Variants in AFAP1 observed in about 807,000 individuals in gnomAD.
AFAP1 encodes the protein actin filament associated protein 1, also known as actin filament-associated protein 1.
AFAP1 carries 75 observed loss-of-function variants against 93.9 expected under a neutral mutation model. That is an observed-to-expected ratio of 0.80 (90% CI 0.66 to 0.97). The LOEUF (loss-of-function observed/expected upper bound fraction) is 0.97, where lower values mean the gene tolerates loss of function less well. Among genes scored for constraint, AFAP1 ranks in the 50% least tolerant of loss-of-function variants. AFAP1 has a pLI of 0.00. For missense variants in AFAP1, 1,201 were observed against 1,050.8 expected (o/e 1.14, Z -1.98); for synonymous variants, 517 against 430.7 (o/e 1.20, Z -2.48).
chr4:7,780,094 A>T (rs551150833), intron 13 of AFAP1, among the ~76,000 whole-genome samples: 1 of 152,220 alleles, frequency 6.6e-6, no homozygotes, highest in Non-Finnish European at 1.5e-5. Flanking sequence ...ATAAAAAGAC[A>T]TGTAGAAACA....
chr4:7,822,021 CTT>C lies in AFAP1; in HGVS notation c.727-2852_727-2851del, dbSNP rs147668763. ...GCAGTGATCTGTGTGTCTGATCTCT[CTT>C]GTTTCTCTCGCTTTCATGCTAATTG... is the stretch of plus-strand genomic sequence containing the variant. On this transcript the variant is annotated intron_variant, in intron 6 of 17. Coordinates refer to ENST00000420658, the MANE Select transcript of AFAP1 (RefSeq NM_001134647.2). Among the ~76,000 whole-genome samples, 201 of 152,336 alleles carry C rather than the reference CTT, an allele frequency of 1.3e-3. 2 individuals carry two copies. In the East Asian group the frequency reaches 0.025, roughly 19 times the overall value.
chr4:7,930,587 A>G (rs1471416551), intron 1 of AFAP1, among the ~76,000 whole-genome samples: 1 of 152,172 alleles, frequency 6.6e-6, no homozygotes, highest in African/African-American at 2.4e-5. Flanking sequence ...ATCACTCCAG[A>G]GATTCCAAAA....
chr4:7,889,327 T>C (rs1413500104), intron 1 of AFAP1, among the ~76,000 whole-genome samples: 1 of 151,706 alleles, frequency 6.6e-6, no homozygotes, highest in African/African-American at 2.4e-5. Context: ...GGGGGACGGA[T>C]CACGAGGTCA....
intron 1 of AFAP1, among the ~76,000 whole-genome samples, chr4:7,930,314 T>C (rs1479226542): frequency 1.3e-5 from 2 of 152,104 alleles, no homozygotes; most frequent in East Asian, 1.9e-4. Flanking sequence ...CCAAACCCAA[T>C]ATTTAGAGGG....
At chr4:7,929,636 G>A (rs557673590) in intron 1 of AFAP1, among the ~76,000 whole-genome samples, 1 of 152,308 alleles carries the variant, frequency 6.6e-6, no homozygotes, top group Non-Finnish European at 1.5e-5. Flanking sequence ...CACCTCTGGA[G>A]CCACACTGTC....
chr4:7,911,527 C>A (rs539076889), intron 1 of AFAP1, among the ~76,000 whole-genome samples: 7 of 152,352 alleles, frequency 4.6e-5, no homozygotes, highest in Admixed American at 2.6e-4. Context: ...TTACGGATTG[C>A]ACAGCATTTT....
chr4:7,823,781 G>A (rs183714555), intron 6 of AFAP1, among the ~76,000 whole-genome samples: 94 of 152,260 alleles, frequency 6.2e-4, no homozygotes, highest in African/African-American at 2.0e-3. Flanking sequence ...CATTGCCCCA[G>A]GAAAATAACA....
chr4:7,809,907 G>A (rs1455268004), intron 8 of AFAP1, 144 bp from the exon 9 acceptor site: 10 of 941,650 alleles, frequency 1.1e-5, no homozygotes, highest in Non-Finnish European at 1.4e-5. Context: ...TCCCCTGGCT[G>A]GAGTGCAGTG....
At chr4:7,845,697 C>G (rs1214015763) in intron 4 of AFAP1, among the ~76,000 whole-genome samples, 2 of 152,094 alleles carry the variant, frequency 1.3e-5, no homozygotes, top group East Asian at 3.9e-4. Flanking sequence ...GCTCCACATC[C>G]CCCTCCAACA....
intron 4 of AFAP1, among the ~76,000 whole-genome samples, chr4:7,844,662 T>C (rs1318022149): frequency 6.6e-6 from 1 of 152,146 alleles, no homozygotes; most frequent in African/African-American, 2.4e-5. Flanking sequence ...CCCAAATAAC[T>C]GTAGAAGGAA....
At chr4:7,847,310 G>A (rs1259567501) in intron 4 of AFAP1, among the ~76,000 whole-genome samples, 12 of 152,028 alleles carry the variant, frequency 7.9e-5, no homozygotes, top group Non-Finnish European at 1.5e-4. Flanking sequence ...CGGAAAGTAT[G>A]CTTAGTGATG....
chr4:7,819,685 A>C (rs1720797382), intron 6 of AFAP1, among the ~76,000 whole-genome samples: 1 of 152,194 alleles, frequency 6.6e-6, no homozygotes, highest in Non-Finnish European at 1.5e-5. Context: ...CCCGGAGTGC[A>C]AACTGGCAGG....
At chr4:7,906,974 C>T (rs550240141) in intron 1 of AFAP1, among the ~76,000 whole-genome samples, 380 of 147,770 alleles carry the variant, frequency 2.6e-3, no homozygotes, top group Admixed American at 4.6e-3. Flanking sequence ...TGCACTCCAG[C>T]CTGGGTGACA....
At chr4:7,874,312 A>G (rs1258391680) in intron 1 of AFAP1, among the ~76,000 whole-genome samples, 2 of 151,806 alleles carry the variant, frequency 1.3e-5, no homozygotes, top group African/African-American at 4.8e-5. Context: ...GGCTACTGAA[A>G]AACTTCCCAA....
chr4:7,926,066 G>A (rs754616991), intron 1 of AFAP1, among the ~76,000 whole-genome samples: 8 of 152,100 alleles, frequency 5.3e-5, no homozygotes, highest in African/African-American at 1.7e-4. Context: ...GCAAAATGTC[G>A]AGAAAAAGGC....
At position 7,761,452 on chromosome 4, in the gene AFAP1, G is replaced by A. The variant is rs140174451; in HGVS notation, c.*2313C>T. 122 of 151,690 alleles carry A rather than the reference G, an allele frequency of 8.0e-4. No homozygotes were observed. Among genetic ancestry groups the A allele is most frequent in the African/African-American group, 2.7e-3 (114 of 41,512 alleles). The allele number at this position is 151,690 out of a possible 1,614,324, so 9.4% of individuals were successfully genotyped here. On this transcript the variant is annotated 3_prime_UTR_variant, in exon 18 of 18. Transcript: ENST00000420658. ...GTGCCGTTGGGCAAGTCCCTGCTAA[G>A]GCTCCGGGGCCTCCTTGCCTGGTGA...
chr4:7,903,834 G>A (rs1719253027), intron 1 of AFAP1, among the ~76,000 whole-genome samples: 1 of 152,148 alleles, frequency 6.6e-6, no homozygotes, highest in Non-Finnish European at 1.5e-5. Flanking sequence ...CGGGCGGGCA[G>A]CATCAAAATG....
chr4:7,848,099 A>AGAAGGAAGGAAGGAAGGAAG (rs143271001), intron 4 of AFAP1, among the ~76,000 whole-genome samples: 2,384 of 116,048 alleles, frequency 0.021, 44 homozygotes, highest in African/African-American at 0.041. Context: ...AGGGAAGGAA[A>AGAAGGAAGGAAGGAAGGAAG]GAAGGAAGGA....
At chr4:7,892,879 C>A (rs547118961) in intron 1 of AFAP1, among the ~76,000 whole-genome samples, 1 of 151,982 alleles carries the variant, frequency 6.6e-6, no homozygotes. Context: ...AGGAAAAAGG[C>A]GGATGAAAAT....
Sources: gnomAD v4.1 joint callset for allele counts (sites outside exome capture counted in the v4.1 genomes callset) on GRCh38, gnomAD v4.1.1 for gene constraint, MANE v1.5 for transcripts, NCBI Gene and HGNC (gene_info 2026-07-23, HGNC 2026-07-21) for gene names.